PGM5: variants seen among roughly 807,000 people sequenced by gnomAD.
PGM5 encodes phosphoglucomutase 5, also known as phosphoglucomutase-like protein 5.
Under a neutral mutation model 59.2 loss-of-function variants are expected in PGM5, and 23 were observed. The ratio of observed to expected loss-of-function variants is 0.39; its 90% CI spans 0.28 to 0.55. PGM5 has a LOEUF of 0.55. PGM5 is among the 20% of genes least tolerant of loss of function. The probability of loss-of-function intolerance (pLI) is 0.66; values close to 1 mark genes in which losing one functional copy is unlikely to be tolerated. For synonymous variants in PGM5, 214 were observed against 286.0 expected (o/e 0.75, Z 2.54); for missense variants, 574 against 748.3 (o/e 0.77, Z 2.72).
intron 7 of PGM5, among the ~76,000 whole-genome samples, chr9:68,469,359 T>A (rs1255508379): frequency 6.7e-6 from 1 of 149,114 alleles, no homozygotes; most frequent in African/African-American, 2.5e-5. Flanking sequence ...ATAGTGTTTT[T>A]TAAAAAAAAA....
chr9:68,378,579 C>G (rs1318883470), intron 2 of PGM5, among the ~76,000 whole-genome samples: 1 of 151,998 alleles, frequency 6.6e-6, no homozygotes, highest in African/African-American at 2.4e-5. Flanking sequence ...TCAGCATAAA[C>G]TATTGAATAG....
chr9:68,405,820 C>T (rs1429620827), intron 6 of PGM5: 1 of 145,158 alleles, frequency 6.9e-6, no homozygotes. Context: ...CTCATCTTCC[C>T]TTCCATGTTC....
intron 2 of PGM5, among the ~76,000 whole-genome samples, chr9:68,381,691 A>G (rs1822079022): frequency 6.6e-6 from 1 of 151,656 alleles, no homozygotes; most frequent in Non-Finnish European, 1.5e-5. Flanking sequence ...GAACTAATAA[A>G]TGAATTCAGT....
intron 1 of PGM5, among the ~76,000 whole-genome samples, chr9:68,374,214 AT>A (rs1163684925): frequency 1.3e-5 from 2 of 152,106 alleles, no homozygotes; most frequent in African/African-American, 4.8e-5. Flanking sequence ...AGCTACAAAC[AT>A]TTTTCAGATT....
At chr9:68,385,643 G>A (rs191986417) in intron 3 of PGM5, among the ~76,000 whole-genome samples, 1 of 152,018 alleles carries the variant, frequency 6.6e-6, no homozygotes, top group Non-Finnish European at 1.5e-5. Context: ...TGGGATGGCT[G>A]GACAATTAAA....
chr9:68,377,568 G>A (rs1268685694), intron 1 of PGM5, among the ~76,000 whole-genome samples: 13 of 152,106 alleles, frequency 8.5e-5, no homozygotes, highest in Non-Finnish European at 1.9e-4. Flanking sequence ...TTGTAGCTCT[G>A]GAAAGAATCT....
intron 10 of PGM5, among the ~76,000 whole-genome samples, chr9:68,507,859 A>T (rs569850271): frequency 1.3e-5 from 2 of 152,230 alleles, no homozygotes; most frequent in East Asian, 3.9e-4. Flanking sequence ...TGCCGTTACT[A>T]CATATTGTTT....
At chr9:68,444,842 T>C (rs1267629327) in intron 6 of PGM5, among the ~76,000 whole-genome samples, 3 of 151,968 alleles carry the variant, frequency 2.0e-5, no homozygotes, top group Non-Finnish European at 4.4e-5. Flanking sequence ...AAAGAAGGGG[T>C]ACAGGAAGGA....
At chr9:68,446,028 T>G (rs150557274) in intron 6 of PGM5, among the ~76,000 whole-genome samples, 1 of 152,232 alleles carries the variant, frequency 6.6e-6, no homozygotes, top group Admixed American at 6.5e-5. Flanking sequence ...CCTTGTATGA[T>G]GCTCCATTAA....
Position 68,407,086 on chromosome 9 carries a change from T to G in PGM5, c.1043+14613T>G, listed in dbSNP as rs143471965. 7.7e-3 allele frequency among the ~76,000 whole-genome samples: 1,178 copies of G among 152,282 alleles called. 13 individuals are homozygous for G. Among genetic ancestry groups the G allele is most frequent in the African/African-American group, 0.028 (1,144 of 41,558 alleles). On this transcript the variant is annotated intron_variant, in intron 6 of 10. Coordinates refer to ENST00000396396, the MANE Select transcript of PGM5 (RefSeq NM_021965.4). ...TTAATTTTCTTTAGCTTTTTAAAAA[T>G]ATGTATTCATATATTGAGCCTTTCA...
intron 1 of PGM5, among the ~76,000 whole-genome samples, chr9:68,360,344 AATT>A (rs1188880383): frequency 8.6e-5 from 13 of 151,220 alleles, no homozygotes; most frequent in African/African-American, 2.9e-4. Context: ...TTTATTATAA[AATT>A]ATTATAGAAT....
chr9:68,430,897 C>T (rs938605748), intron 6 of PGM5, among the ~76,000 whole-genome samples: 2 of 152,332 alleles, frequency 1.3e-5, no homozygotes, highest in Non-Finnish European at 2.9e-5. Context: ...TTCATCATAA[C>T]ATGCATCAAC....
intron 10 of PGM5, among the ~76,000 whole-genome samples, chr9:68,500,791 AT>A: frequency 6.6e-6 from 1 of 152,054 alleles, no homozygotes; most frequent in Middle Eastern, 3.4e-3. Context: ...ACTCCGGGCT[AT>A]TTTTTCCTCA....
intron 6 of PGM5, among the ~76,000 whole-genome samples, chr9:68,419,737 T>C (rs1823096730): frequency 6.6e-6 from 1 of 152,226 alleles, no homozygotes; most frequent in Non-Finnish European, 1.5e-5. Flanking sequence ...AGAATAATTT[T>C]GTGGTAGAAA....
At chr9:68,378,625 T>C (rs1426834669) in intron 2 of PGM5, among the ~76,000 whole-genome samples, 1 of 152,144 alleles carries the variant, frequency 6.6e-6, no homozygotes, top group Admixed American at 6.5e-5. Context: ...CTCTGAATTT[T>C]AACATTAAAA....
intron 6 of PGM5, chr9:68,404,955 A>G (rs1439098103): frequency 6.6e-6 from 1 of 152,188 alleles, no homozygotes; most frequent in East Asian, 1.9e-4. Flanking sequence ...CTACCATTTG[A>G]CCTGGTATTC....
chr9:68,367,643 C>A (rs1296094067), intron 1 of PGM5, among the ~76,000 whole-genome samples: 1 of 152,134 alleles, frequency 6.6e-6, no homozygotes, highest in Non-Finnish European at 1.5e-5. Context: ...TACAGAAGAT[C>A]CAGCTTGGAT....
intron 6 of PGM5, among the ~76,000 whole-genome samples, chr9:68,463,357 G>A (rs1019182514): frequency 1.1e-4 from 16 of 152,074 alleles, no homozygotes; most frequent in Non-Finnish European, 1.8e-4. Context: ...CTTGCTGTTC[G>A]TAGGCATTTG....
chr9:68,360,017 G>T lies in PGM5; in HGVS notation c.261+2629G>T, dbSNP rs556783474. Among the ~76,000 whole-genome samples the T allele has an allele frequency of 3.3e-3, 499 of 151,960 alleles. 1 individual carries two copies. The highest frequency in any genetic ancestry group is 4.7e-3 in the Admixed American group (71 of 15,260). Reference sequence around the variant, plus strand: ...ATGCCACTATGCACAGCTGATTTTTGTGTTTTTACTACTCATAGGGTTTCT... The same window carrying T: ...ATGCCACTATGCACAGCTGATTTTTTTGTTTTTACTACTCATAGGGTTTCT... On this transcript the variant is annotated intron_variant, in intron 1 of 10. Transcript: ENST00000396396.
Sources: allele counts gnomAD v4.1 joint callset (sites outside exome capture counted in the v4.1 genomes callset), GRCh38; gene constraint gnomAD v4.1.1; transcripts MANE v1.5; gene names NCBI Gene and HGNC (gene_info 2026-07-23, HGNC 2026-07-21).